RFX3: variants seen among roughly 807,000 people sequenced by gnomAD.
RFX3 encodes transcription factor RFX3.
A neutral mutation model predicts 98.6 loss-of-function variants in RFX3; 14 were observed. The observed-to-expected ratio is 0.14, with a 90% CI of 0.09 to 0.22. The LOEUF (loss-of-function observed/expected upper bound fraction) is 0.22, where lower values mean the gene tolerates loss of function less well. Ranked by LOEUF, RFX3 falls within the 10% of genes least tolerant of loss-of-function variation. RFX3 has a pLI of 1.00. For missense variants in RFX3, 639 were observed against 926.9 expected (o/e 0.69, Z 4.03); for synonymous variants, 383 against 328.4 (o/e 1.17, Z -1.80).
At chr9:3,244,988 C>T (rs1215479511) in intron 15 of RFX3, among the ~76,000 whole-genome samples, 1 of 152,100 alleles carries the variant, frequency 6.6e-6, no homozygotes, top group Admixed American at 6.5e-5. Flanking sequence ...TAGAGTTCAA[C>T]ACAAGTCAAC....
intron 2 of RFX3, among the ~76,000 whole-genome samples, chr9:3,350,149 T>C (rs1183255696): frequency 6.6e-6 from 1 of 152,182 alleles, no homozygotes; most frequent in East Asian, 1.9e-4. Flanking sequence ...AAATTTCTAC[T>C]TTGAAAGACA....
chr9:3,501,999 C>T (rs1388917764), intron 1 of RFX3, among the ~76,000 whole-genome samples: 3 of 151,890 alleles, frequency 2.0e-5, no homozygotes, highest in Non-Finnish European at 2.9e-5. Flanking sequence ...CGCCTGTAAT[C>T]CCAGCACTCT....
At chr9:3,463,316 T>C (rs1187727916) in intron 1 of RFX3, among the ~76,000 whole-genome samples, 1 of 152,112 alleles carries the variant, frequency 6.6e-6, no homozygotes, top group Non-Finnish European at 1.5e-5. Context: ...AACAATCACA[T>C]ACCCATCTGG....
chr9:3,405,222 C>G (rs963207873), intron 1 of RFX3, among the ~76,000 whole-genome samples: 2 of 151,912 alleles, frequency 1.3e-5, no homozygotes, highest in African/African-American at 2.4e-5. Context: ...CCAAAACAAA[C>G]AAACAAACAA....
At chr9:3,243,591 TCCTG>T (rs1182213444) in intron 15 of RFX3, among the ~76,000 whole-genome samples, 1 of 152,226 alleles carries the variant, frequency 6.6e-6, no homozygotes, top group East Asian at 1.9e-4. Flanking sequence ...GGTTGTTCTT[TCCTG>T]CCTGCCTGCT....
At chr9:3,305,356 CAGG>C (rs1441384498) in intron 4 of RFX3, among the ~76,000 whole-genome samples, 3 of 151,680 alleles carry the variant, frequency 2.0e-5, no homozygotes, top group Admixed American at 2.0e-4. Context: ...CAGATAAAGC[CAGG>C]AGAAGGGTTT....
chr9:3,343,594 T>C (rs1211750206), intron 3 of RFX3, among the ~76,000 whole-genome samples: 1 of 152,206 alleles, frequency 6.6e-6, no homozygotes, highest in Non-Finnish European at 1.5e-5. Context: ...AATTTTCTAG[T>C]CCTATTTGAG....
intron 2 of RFX3, among the ~76,000 whole-genome samples, chr9:3,369,011 TG>T (rs781357051): frequency 4.1e-4 from 62 of 152,328 alleles, no homozygotes; most frequent in Non-Finnish European, 7.8e-4. Flanking sequence ...AATAAGGATT[TG>T]GTGAAGGAAA....
intron 1 of RFX3, among the ~76,000 whole-genome samples, chr9:3,452,023 T>C (rs1846686163): frequency 6.6e-6 from 1 of 152,148 alleles, no homozygotes; most frequent in Non-Finnish European, 1.5e-5. Context: ...TATTTCTGCA[T>C]CTGAGTTCTG....
At position 3,483,249 on chromosome 9, in the gene RFX3, G is replaced by A. The variant is rs377563657; in HGVS notation, c.-9+42498C>T. Among the ~76,000 whole-genome samples the A allele has an allele frequency of 1.2e-4, 18 of 152,210 alleles. 1 individual carries two copies. In the East Asian group the frequency reaches 2.9e-3, roughly 24 times the overall value. On this transcript the variant is annotated intron_variant, in intron 1 of 16. Coordinates refer to ENST00000617270, the MANE Select transcript of RFX3 (RefSeq NM_001282116.2). ...GGGTCATTTTAGTTGTCACAATGAT[G>A]CAGGGAGGGGAGTGATTCTAATGCC...
intron 1 of RFX3, among the ~76,000 whole-genome samples, chr9:3,467,028 T>TTATATA (rs138952591): frequency 7.1e-5 from 7 of 98,850 alleles, no homozygotes; most frequent in South Asian, 2.6e-4. Context: ...ATCTAAAGAA[T>TTATATA]TATATATATA....
chr9:3,379,767 A>C (rs2131677330), intron 2 of RFX3, among the ~76,000 whole-genome samples: 1 of 152,356 alleles, frequency 6.6e-6, no homozygotes, highest in East Asian at 1.9e-4. Context: ...TTCTCAGCAG[A>C]GTATGTGACA....
rs536387289 is a variant in RFX3 at position 3,499,196 on chromosome 9, C to T, written c.-9+26551G>A. On this transcript the variant is annotated intron_variant, in intron 1 of 16. Coordinates refer to ENST00000617270, the MANE Select transcript of RFX3 (RefSeq NM_001282116.2). ...ATTTTCATACAGTCTCCTAAAAGGT[C>T]ATAATGGATATAAATGAACTGAGCA... Among the ~76,000 whole-genome samples, 55 of 152,146 alleles carry T rather than the reference C, an allele frequency of 3.6e-4. 1 individual carries two copies. The highest frequency in any genetic ancestry group is 1.3e-3 in the African/African-American group (54 of 41,506).
At chr9:3,363,985 CCT>C (rs1836765558) in intron 2 of RFX3, among the ~76,000 whole-genome samples, 1 of 152,238 alleles carries the variant, frequency 6.6e-6, no homozygotes, top group African/African-American at 2.4e-5. Flanking sequence ...AAGCAATTCC[CCT>C]GTCTCAGCCT....
intron 1 of RFX3, among the ~76,000 whole-genome samples, chr9:3,476,273 G>A (rs1030069527): frequency 6.6e-6 from 1 of 151,514 alleles, no homozygotes; most frequent in African/African-American, 2.4e-5. Context: ...TTATTACACT[G>A]GAACAACTCG....
chr9:3,309,897 T>G (rs1014542252), intron 4 of RFX3, among the ~76,000 whole-genome samples: 2 of 152,116 alleles, frequency 1.3e-5, no homozygotes, highest in African/African-American at 4.8e-5. Context: ...GATTCTGAGA[T>G]TTAGAGGAGA....
intron 13 of RFX3, among the ~76,000 whole-genome samples, chr9:3,260,816 A>G (rs778242407): frequency 5.3e-5 from 8 of 150,370 alleles, no homozygotes; most frequent in Non-Finnish European, 8.9e-5. Flanking sequence ...AGATGGATAG[A>G]TGATATTTTT....
rs1404425879 is a variant in RFX3, at chr9:3,504,765, T to C, written c.-9+20982A>G. ...TATATATTGTATATAAAATATATGC[T>C]ATATGTATATATTGTATATAAAATA... On this transcript the variant is annotated intron_variant, in intron 1 of 16. Transcript: ENST00000617270. Among the ~76,000 whole-genome samples the C allele has an allele frequency of 2.3e-5, 2 of 88,816 alleles. 1 individual carries two copies. The allele number at this position is 88,816 out of a possible 152,430, so 58.3% of individuals were successfully genotyped here. A position where few individuals can be genotyped will look rare whatever the true frequency, so the allele number is the denominator to read the frequency against.
intron 1 of RFX3, among the ~76,000 whole-genome samples, chr9:3,469,451 A>T (rs1481588447): frequency 6.6e-6 from 1 of 152,232 alleles, no homozygotes; most frequent in Non-Finnish European, 1.5e-5. Context: ...AGTCAAAGAT[A>T]AAGTCAATAT....
Sources: allele counts gnomAD v4.1 joint callset (sites outside exome capture counted in the v4.1 genomes callset), GRCh38; gene constraint gnomAD v4.1.1; transcripts MANE v1.5; gene names NCBI Gene and HGNC (gene_info 2026-07-23, HGNC 2026-07-21).